The following UNC80 variants were observed in gnomAD, a reference collection of about 807,000 sequenced individuals.
The protein encoded by UNC80 is protein unc-80 homolog.
UNC80 carries 164 observed loss-of-function variants against 384.6 expected under a neutral mutation model. The ratio of observed to expected loss-of-function variants is 0.43; its 90% CI spans 0.38 to 0.49. The LOEUF is 0.49. Ranked by LOEUF, UNC80 falls within the 20% of genes least tolerant of loss-of-function variation. The pLI is 0.00. For missense variants in UNC80, 3,330 were observed against 4,143.0 expected, an observed-to-expected ratio of 0.80 and a Z score of 5.39; for synonymous variants, 1,486 against 1,527.8, an observed-to-expected ratio of 0.97 and a Z score of 0.64.
chr2:209,993,567 A>C lies in UNC80; in HGVS notation c.9508+141A>C. The stretch of plus-strand genomic sequence containing the variant: ...AACATAAGGGAAGGAGTTTCCCAGA[A>C]AACTGTAGTGTCTTTTTTTTCTTCT... On this transcript the variant is annotated intron_variant, in intron 63 of 64. Coordinates refer to ENST00000673920, the MANE Select transcript of UNC80 (RefSeq NM_001371986.1). 7.8e-6 allele frequency: 5 copies of C among 642,604 alleles called. 1 individual carries two copies. Among genetic ancestry groups the C allele is most frequent in the South Asian group, 7.1e-5 (3 of 42,460 alleles). 39.8% of individuals were successfully genotyped at this position (642,604 alleles called of 1,614,324 possible).
At chr2:209,819,702 G>A (rs1255977166) in intron 12 of UNC80, among the ~76,000 whole-genome samples, 1 of 152,020 alleles carries the variant, frequency 6.6e-6, no homozygotes, top group Admixed American at 6.6e-5. Flanking sequence ...CCTGTCTCAA[G>A]TATAGTTATT....
intron 21 of UNC80, chr2:209,845,268 C>T (rs554924101): frequency 7.2e-5 from 11 of 152,194 alleles, no homozygotes; most frequent in African/African-American, 2.6e-4. Context: ...TTAAGTCACC[C>T]AGTCTATGGC....
At chr2:209,989,388 T>C (rs1351280335) in intron 61 of UNC80, among the ~76,000 whole-genome samples, 1 of 152,076 alleles carries the variant, frequency 6.6e-6, no homozygotes, top group Non-Finnish European at 1.5e-5. Context: ...GTTGTCCCAC[T>C]ACTCTGACAT....
intron 47 of UNC80, among the ~76,000 whole-genome samples, chr2:209,953,181 G>C (rs1448948282): frequency 6.6e-6 from 1 of 152,090 alleles, no homozygotes; most frequent in Non-Finnish European, 1.5e-5. Flanking sequence ...TCTTTGGGAG[G>C]CTGAGGCGGG....
At chr2:209,935,306 G>A (rs950462730) in intron 39 of UNC80, among the ~76,000 whole-genome samples, 1 of 152,076 alleles carries the variant, frequency 6.6e-6, no homozygotes, top group African/African-American at 2.4e-5. Context: ...ATACAATTAT[G>A]CATGTAAAAG....
At chr2:209,803,744 T>C (rs1364455736) in intron 7 of UNC80, among the ~76,000 whole-genome samples, 1 of 152,080 alleles carries the variant, frequency 6.6e-6, no homozygotes, top group Non-Finnish European at 1.5e-5. Context: ...TTTAATTTAA[T>C]TTTTTAGAGA....
intron 59 of UNC80, among the ~76,000 whole-genome samples, chr2:209,979,839 C>G (rs188636605): frequency 6.6e-6 from 1 of 152,168 alleles, no homozygotes. Flanking sequence ...CCATACCAAA[C>G]AACAACAAAA....
At chr2:209,883,045 T>C (rs1176480982) in intron 25 of UNC80, among the ~76,000 whole-genome samples, 1 of 152,228 alleles carries the variant, frequency 6.6e-6, no homozygotes, top group South Asian at 2.1e-4. Flanking sequence ...ATTTTCATTG[T>C]TAATGTGTAC....
intron 23 of UNC80, among the ~76,000 whole-genome samples, chr2:209,873,585 A>G (rs774013479): frequency 3.3e-4 from 50 of 152,230 alleles, no homozygotes; most frequent in Non-Finnish European, 6.8e-4. Context: ...CCTTAAAATA[A>G]CTACAACTTC....
At chr2:209,900,921 C>CT (rs2087325324) in intron 28 of UNC80, among the ~76,000 whole-genome samples, 1 of 152,172 alleles carries the variant, frequency 6.6e-6, no homozygotes, top group African/African-American at 2.4e-5. Context: ...GGTTTTAACT[C>CT]TTTTCAGTTC....
chr2:209,820,587 G>A lies in UNC80; in HGVS notation c.2239G>A (p.Gly747Ser). Residue 747 changes from glycine (G) to serine (S), a missense_variant, in exon 13 of 65, where the codon GGT becomes AGT. Around this residue, in one of 8 missense-constraint regions of UNC80, gnomAD observed 937 missense variants for 1,026.8 expected, o/e 0.91. Transcript: ENST00000673920. ...AGATGGTGGAGGAGAAGAAGGAGGAGGTGGAGATGGAGGAGGTGGAGGAGG... is the reference window on the plus strand; with the variant it reads ...AGATGGTGGAGGAGAAGAAGGAGGAAGTGGAGATGGAGGAGGTGGAGGAGG... Reference protein sequence around the residue: ...AGDGGGEEGGGGDGGGGGGDG... With the variant: ...AGDGGGEEGGSGDGGGGGGDG... 6.4e-7 allele frequency: 1 copy of A among 1,551,652 alleles called. No homozygotes were observed. Among genetic ancestry groups the A allele is most frequent in the South Asian group, 1.2e-5 (1 of 84,048 alleles).
intron 61 of UNC80, among the ~76,000 whole-genome samples, 163 bp from the exon 62 acceptor site, chr2:209,992,003 A>G (rs2093401568): frequency 6.6e-6 from 1 of 152,168 alleles, no homozygotes; most frequent in Non-Finnish European, 1.5e-5. Context: ...CCTCCCTCCC[A>G]AACATTTGAA....
At chr2:209,934,192 G>A (rs533806808) in intron 39 of UNC80, among the ~76,000 whole-genome samples, 187 bp downstream of exon 39, 12 of 152,104 alleles carry the variant, frequency 7.9e-5, no homozygotes, top group African/African-American at 2.4e-4. Context: ...AAAAGTCAGC[G>A]GTTGCCAGCT....
chr2:209,986,341 T>G (rs956773606), intron 61 of UNC80, among the ~76,000 whole-genome samples: 2 of 152,222 alleles, frequency 1.3e-5, no homozygotes, highest in African/African-American at 4.8e-5. Context: ...TAGGCCAAAT[T>G]CTACTCTTGA....
At chr2:209,829,180 C>A in intron 14 of UNC80, 52 bp from the exon 15 acceptor site, 1 of 1,543,622 alleles carries the variant, frequency 6.5e-7, no homozygotes, top group Non-Finnish European at 8.8e-7. Context: ...TACCAGTATC[C>A]ATAGCTTAAG....
In UNC80 at chr2:209,839,140, C is replaced by A; in HGVS notation, c.3042-82C>A. On this transcript the variant is annotated intron_variant, in intron 18 of 64. Coordinates refer to ENST00000673920, the MANE Select transcript of UNC80 (RefSeq NM_001371986.1). This position sits in a 1 kb window ranked among gnomAD's most constrained non-coding sequence, Gnocchi z 4.1. Reference sequence around the variant, plus strand: ...CATTTTGCATGATTTGCCTAAATATCATTGACAGGAAGATGAAAGAAATTT... The same window carrying A: ...CATTTTGCATGATTTGCCTAAATATAATTGACAGGAAGATGAAAGAAATTT... 6 of 1,280,502 alleles carry A rather than the reference C, an allele frequency of 4.7e-6. No individual in the cohort carries two copies. The highest frequency in any genetic ancestry group is 4.2e-5 in the South Asian group (3 of 72,190). 79.3% of individuals were successfully genotyped at this position (1,280,502 alleles called of 1,614,324 possible).
At chr2:209,845,159 A>G (rs997578502) in intron 21 of UNC80, 5 of 152,132 alleles carry the variant, frequency 3.3e-5, no homozygotes, top group Admixed American at 2.0e-4. Flanking sequence ...ACATGAGGAC[A>G]TAACCAGGAA....
intron 23 of UNC80, among the ~76,000 whole-genome samples, chr2:209,874,119 A>T (rs970779617): frequency 2.0e-5 from 3 of 152,170 alleles, no homozygotes; most frequent in Non-Finnish European, 4.4e-5. Context: ...CCTATGTAAT[A>T]TCTATTTTTG....
Position 209,834,124 on chromosome 2 carries a change from G to A in UNC80, c.2898G>A (p.Lys966=). ...DSAEKLAPGK[K]VEENEQESKP... ...CCGAGAAGTTAGCACCAGGGAAAAA[G>A]GTGGAGGAGAATGAACAGGAATCTA... is the stretch of plus-strand genomic sequence containing the variant. Residue 966 remains lysine, a synonymous_variant, in exon 17 of 65, where the codon AAG becomes AAA. Coordinates refer to ENST00000673920, the MANE Select transcript of UNC80 (RefSeq NM_001371986.1). 1 of 1,551,632 alleles carries A rather than the reference G, an allele frequency of 6.4e-7. No homozygotes were observed. The highest frequency in any genetic ancestry group is 1.2e-5 in the South Asian group (1 of 84,054).
Sources: gnomAD v4.1 joint callset for allele counts (sites outside exome capture counted in the v4.1 genomes callset) on GRCh38, gnomAD v4.1.1 for gene constraint, gnomAD v4.1.1 regional missense constraint, Gnocchi (gnomAD v3.1) non-coding constraint, MANE v1.5 for transcripts, NCBI Gene and HGNC (gene_info 2026-07-23, HGNC 2026-07-21) for gene names.